Variants in LTBP4 observed in about 807,000 individuals in gnomAD.
The protein encoded by LTBP4 is latent-transforming growth factor beta-binding protein 4.
LTBP4 carries 93 observed loss-of-function variants against 180.2 expected under a neutral mutation model. The observed-to-expected ratio is 0.52, with a 90% CI of 0.44 to 0.61. The LOEUF (loss-of-function observed/expected upper bound fraction) is 0.61, where lower values mean the gene tolerates loss of function less well. Among genes scored for constraint, LTBP4 ranks in the 20% least tolerant of loss-of-function variants. The pLI is 0.00. For synonymous variants in LTBP4, 947 were observed against 934.5 expected (o/e 1.01, Z -0.24); for missense variants, 2,116 against 2,256.5 (o/e 0.94, Z 1.26).
intron 22 of LTBP4, among the ~76,000 whole-genome samples, chr19:40,620,573 C>T (rs908908578): frequency 7.3e-5 from 11 of 151,444 alleles, no homozygotes; most frequent in Non-Finnish European, 1.2e-4. Context: ...GTCAGGAGTT[C>T]GAGACCAGCA....
chr19:40,594,661 G>A (rs2081381585), intron 1 of LTBP4: 1 of 152,328 alleles, frequency 6.6e-6, no homozygotes, highest in African/African-American at 2.4e-5. Flanking sequence ...GTACAGTCAT[G>A]GGGCAGAGCC....
Position 40,625,987 on chromosome 19 carries a change from C to A in LTBP4, c.3963C>A (p.Ala1321=). 1 of 1,606,964 alleles carries A rather than the reference C, an allele frequency of 6.2e-7. No individual in the cohort carries two copies. The highest frequency in any genetic ancestry group is 8.5e-7 in the Non-Finnish European group (1 of 1,177,280). Residue 1321 remains alanine, a synonymous_variant, in exon 27 of 30, where the codon GCC becomes GCA. Coordinates refer to ENST00000396819, the MANE Select transcript of LTBP4 (RefSeq NM_001042545.2). ...LYGEAWGMDC[A]LCPAQDSDDF... ...GAGAGGCCTGGGGCATGGACTGCGC[C>A]CTCTGCCCTGCGCAGGACTCAGGTG...
In LTBP4 at chr19:40,622,074, A is replaced by G. The variant is rs1191532317; in HGVS notation, c.3218-327A>G. Among the ~76,000 whole-genome samples, 7 of 151,942 alleles carry G rather than the reference A, an allele frequency of 4.6e-5. No individual in the cohort carries two copies. Among genetic ancestry groups the G allele is most frequent in the Non-Finnish European group, 1.5e-5 (1 of 68,008 alleles). On this transcript the variant is annotated intron_variant, in intron 22 of 29. Transcript: ENST00000396819. This position sits in a 1 kb window ranked among gnomAD's most constrained non-coding sequence, Gnocchi z 5.1. ...ACAAATTGTAGGTTTTGAGATGAAG[A>G]CTCAGCCAGTTTGCCACACACTGGA...
In LTBP4 at chr19:40,627,722, T is replaced by C; in HGVS notation, c.4384T>C (p.Tyr1462His). ...TCCCACAGGTTCCCTGGCTGAGCCC[T>C]ACGAGGAGCTGGAGGCGGAGGAGTG... ...GSYAGSLAEP[Y>H]EELEAEECGI... is the part of the protein sequence containing the mutation. Residue 1462 changes from tyrosine to histidine, a missense_variant, in exon 29 of 30, where the codon TAC (tyrosine) becomes CAC (histidine). Physicochemically the swap from Tyr to His is moderately conservative, Grantham distance 83. Coordinates refer to ENST00000396819, the MANE Select transcript of LTBP4 (RefSeq NM_001042545.2). 6.3e-7 allele frequency: 1 copy of C among 1,596,806 alleles called. No homozygotes were observed. Among genetic ancestry groups the C allele is most frequent in the Non-Finnish European group, 8.5e-7 (1 of 1,173,052 alleles).
chr19:40,622,430 C>T lies in LTBP4; in HGVS notation c.3247C>T (p.Pro1083Ser). 2 of 1,573,920 alleles carry T rather than the reference C, an allele frequency of 1.3e-6. No individual in the cohort carries two copies. The highest frequency in any genetic ancestry group is 1.2e-5 in the South Asian group (1 of 86,708). Reference sequence around the variant, plus strand: ...GTTCCCAGGCTCGCAGCCCCAGGCACCTGCTAGCCCCGTTCTGCCCGCCAG... The same window carrying T: ...GTTCCCAGGCTCGCAGCCCCAGGCATCTGCTAGCCCCGTTCTGCCCGCCAG... ...GTFPGSQPQAPASPVLPARPP... is the reference protein window; with the variant it reads ...GTFPGSQPQASASPVLPARPP... Residue 1083 changes from proline (P) to serine (S), a missense_variant, in exon 23 of 30, where the codon CCT (proline) becomes TCT (serine). By Grantham distance (74) the Pro-to-Ser change is moderately conservative. Coordinates refer to ENST00000396819, the MANE Select transcript of LTBP4 (RefSeq NM_001042545.2). This position sits in a 1 kb window ranked among gnomAD's most constrained non-coding sequence, Gnocchi z 5.1.
chr19:40,614,271 G>T (rs762692141), intron 18 of LTBP4, 44 bp from the exon 19 acceptor site: 3 of 1,580,702 alleles, frequency 1.9e-6, no homozygotes, highest in African/African-American at 1.4e-5. Flanking sequence ...CCCCCATCTT[G>T]CCTCCCTGCT....
intron 26 of LTBP4, 150 bp downstream of exon 26, chr19:40,624,232 C>G: frequency 9.9e-7 from 1 of 1,010,766 alleles, no homozygotes; most frequent in East Asian, 2.7e-5. Flanking sequence ...CACTCAGTCT[C>G]TGTCCCACTG....
chr19:40,613,261 C>A lies in LTBP4; in HGVS notation c.2431+65C>A. 6.5e-7 allele frequency: 1 copy of A among 1,542,688 alleles called. No individual in the cohort carries two copies. The highest frequency in any genetic ancestry group is 8.8e-7 in the Non-Finnish European group (1 of 1,140,694). ...GGCCTGGGTTCCAGGGCAAAGCCGG[C>A]TGGAAAGGTGGAGGCGGGACCAAGG... On this transcript the variant is annotated intron_variant, in intron 16 of 29. Transcript: ENST00000396819. This position sits in a 1 kb window ranked among gnomAD's most constrained non-coding sequence, Gnocchi z 5.0.
rs2081620762 is a variant in LTBP4 at position 40,625,285 on chromosome 19, TATATATATATA to T, written c.3833-571_3833-561del. Among the ~76,000 whole-genome samples the T allele has an allele frequency of 1.1e-3, 10 of 9,284 alleles. 1 individual carries two copies. The highest frequency in any genetic ancestry group is 4.2e-3 in the African/African-American group (3 of 718). The allele number at this position is 9,284 out of a possible 152,430, so 6.1% of individuals were successfully genotyped here. ...ATATATATATATATATATATATATA[TATATATATATA>T]TATATATATATATATATATATTTTT... is the stretch of plus-strand genomic sequence containing the variant. On this transcript the variant is annotated intron_variant, in intron 26 of 29. Coordinates refer to ENST00000396819, the MANE Select transcript of LTBP4 (RefSeq NM_001042545.2).
chr19:40,594,301 CTG>C, intron 1 of LTBP4, among the ~76,000 whole-genome samples: 1 of 151,862 alleles, frequency 6.6e-6, no homozygotes, highest in East Asian at 1.9e-4. Flanking sequence ...GACTAGAACT[CTG>C]AGGGATTCTG....
At position 40,629,171 on chromosome 19, in the gene LTBP4, C is replaced by A. The variant is rs1360035320; in HGVS notation, c.4520-225C>A. On this transcript the variant is annotated intron_variant, in intron 29 of 29. Transcript: ENST00000396819. This position sits in a 1 kb window ranked among gnomAD's most constrained non-coding sequence, Gnocchi z 4.5. ...GCCATTATTATTTTCTTAACAAAATCCTAGTGCGGTATGGGCCACCATATC... is the reference window on the plus strand; with the variant it reads ...GCCATTATTATTTTCTTAACAAAATACTAGTGCGGTATGGGCCACCATATC... 6.6e-6 allele frequency among the ~76,000 whole-genome samples: 1 copy of A among 152,140 alleles called. No individual in the cohort carries two copies. The highest frequency in any genetic ancestry group is 1.5e-5 in the Non-Finnish European group (1 of 68,022).
upstream of LTBP4, chr19:40,599,586 C>A (rs778078904): frequency 1.9e-6 from 3 of 1,590,988 alleles, no homozygotes; most frequent in South Asian, 2.2e-5. Flanking sequence ...CCTACCAAAT[C>A]CTCCCTCAGG....
upstream of LTBP4, chr19:40,599,683 T>G: frequency 2.3e-6 from 2 of 868,548 alleles, no homozygotes; most frequent in Non-Finnish European, 3.6e-6. Flanking sequence ...TTTCTTTTGC[T>G]ATCAGCCTGT....
intron 27 of LTBP4, 96 bp from the exon 28 acceptor site, chr19:40,626,879 C>T: frequency 7.1e-7 from 1 of 1,407,422 alleles, no homozygotes; most frequent in Non-Finnish European, 9.3e-7. Context: ...GGACCCTCCC[C>T]ATCCAGTCCT....
intron 7 of LTBP4, 117 bp from the exon 8 acceptor site, chr19:40,608,103 T>C: frequency 8.8e-7 from 1 of 1,140,348 alleles, no homozygotes; most frequent in Middle Eastern, 1.9e-4. Flanking sequence ...AGCCTCCAGC[T>C]CAAACCCCTG....
At position 40,627,703 on chromosome 19, in the gene LTBP4, A is replaced by C; in HGVS notation, c.4367-2A>C. On this transcript the variant is annotated splice_acceptor_variant, in intron 28 of 29. Transcript: ENST00000396819. LOFTEE classifies it high-confidence loss of function. ...GTCATAGGGTCCCCGCATTTCCCAC[A>C]GGTTCCCTGGCTGAGCCCTACGAGG... 1 of 1,589,834 alleles carries C rather than the reference A, an allele frequency of 6.3e-7. No individual in the cohort carries two copies. The highest frequency in any genetic ancestry group is 8.6e-7 in the Non-Finnish European group (1 of 1,169,410).
chr19:40,607,280 A>G, intron 6 of LTBP4, 85 bp from the exon 7 acceptor site: 2 of 129,838 alleles, frequency 1.5e-5, no homozygotes, highest in South Asian at 9.8e-5. Flanking sequence ...CCCCAACCCC[A>G]GAACCATTCC....
Position 40,623,987 on chromosome 19 carries a change from T to C in LTBP4, c.3737T>C (p.Val1246Ala), listed in dbSNP as rs767206311. 6.2e-7 allele frequency: 1 copy of C among 1,613,720 alleles called. No individual in the cohort carries two copies. Among genetic ancestry groups the C allele is most frequent in the South Asian group, 1.1e-5 (1 of 91,024 alleles). The change falls in exon 26 of 30, where the codon GTC becomes GCC. Residue 1246 changes from valine (V) to alanine (A), a missense_variant. This residue lies in a region of LTBP4 where 488 missense variants were observed against 458.8 expected (regional missense o/e 1.06). Coordinates refer to ENST00000396819, the MANE Select transcript of LTBP4 (RefSeq NM_001042545.2). ...EEPACEGGRCVNTVGSYHCTC... is the reference protein window; with the variant it reads ...EEPACEGGRCANTVGSYHCTC... ...CCGGCCTGTGAGGGCGGCCGCTGTG[T>C]CAACACTGTGGGCTCTTATCACTGT...
chr19:40,594,150 G>A (rs995370629), intron 1 of LTBP4, among the ~76,000 whole-genome samples: 1 of 151,906 alleles, frequency 6.6e-6, no homozygotes, highest in Non-Finnish European at 1.5e-5. Context: ...GAGAATTTGG[G>A]ATGTTAGCAA....
Sources: allele counts gnomAD v4.1 joint callset (sites outside exome capture counted in the v4.1 genomes callset), GRCh38; gene constraint gnomAD v4.1.1; regional missense constraint gnomAD v4.1.1; non-coding constraint Gnocchi (gnomAD v3.1); transcripts MANE v1.5; gene names NCBI Gene and HGNC (gene_info 2026-07-23, HGNC 2026-07-21).